The following SERINC5 variants were observed in gnomAD, a reference collection of about 807,000 sequenced individuals.
SERINC5 encodes the protein chromosome 5 open reading frame 12.
SERINC5 carries 41 observed loss-of-function variants against 63.1 expected under a neutral mutation model. That is an observed-to-expected ratio of 0.65 (90% CI 0.51 to 0.84). SERINC5 has a LOEUF of 0.84. Among genes scored for constraint, SERINC5 ranks in the 40% least tolerant of loss-of-function variants. The pLI, the probability that SERINC5 is intolerant of heterozygous loss-of-function variation, is 0.00. For missense variants in SERINC5, 523 were observed against 573.0 expected (o/e 0.91, Z 0.89); for synonymous variants, 222 against 215.2 (o/e 1.03, Z -0.28).
Position 80,202,890 on chromosome 5 carries a change from T to C in SERINC5, c.191A>G (p.Glu64Gly). 6.2e-7 allele frequency: 1 copy of C among 1,608,458 alleles called. No homozygotes were observed. Among genetic ancestry groups the C allele is most frequent in the Non-Finnish European group, 8.5e-7 (1 of 1,175,644 alleles). The change falls in exon 2 of 12, where the codon GAG becomes GGG. Residue 64 changes from glutamate (E) to glycine (G), a missense_variant. By Grantham distance (98) the Glu-to-Gly change is moderately conservative. Coordinates refer to ENST00000507668, the MANE Select transcript of SERINC5 (RefSeq NM_001174072.3). Reference sequence around the variant, plus strand: ...GCTGAACACGGACAAACTTACGTGCTCTTTCATCTTGTGAGCCACGGTTGT... The same window carrying C: ...GCTGAACACGGACAAACTTACGTGCCCTTTCATCTTGTGAGCCACGGTTGT... ...MSTTVAHKMK[E>G]HIPFFEDMCK...
intron 9 of SERINC5, 134 bp from the exon 10 acceptor site, chr5:80,147,418 T>C: frequency 1.1e-6 from 1 of 900,032 alleles, no homozygotes; most frequent in Non-Finnish European, 1.7e-6. Flanking sequence ...CCAGGTGTGC[T>C]GGGTGTTGGT....
chr5:80,178,143 C>G, intron 2 of SERINC5, 79 bp from the exon 3 acceptor site: 1 of 779,496 alleles, frequency 1.3e-6, no homozygotes, highest in Non-Finnish European at 2.0e-6. Context: ...TGCAGCCAAC[C>G]ACAACATCCA....
rs1240781221 is a variant in SERINC5 at position 80,147,237 on chromosome 5, C to A, written c.1093+8G>T. 1.9e-6 allele frequency: 3 copies of A among 1,597,746 alleles called. No homozygotes were observed. The highest frequency in any genetic ancestry group is 2.6e-6 in the Non-Finnish European group (3 of 1,172,550). ...CACAGGTGCAAAGAATAAAAGCGCT[C>A]TGCTTACCCTCTCCACCAGGACTGA... On this transcript the variant is annotated splice_region_variant and intron_variant, in intron 10 of 11. Transcript: ENST00000507668.
intron 11 of SERINC5, among the ~76,000 whole-genome samples, chr5:80,125,546 G>A (rs1744715130): frequency 6.6e-6 from 1 of 152,158 alleles, no homozygotes; most frequent in Non-Finnish European, 1.5e-5. Context: ...GCTAGAAAGG[G>A]GAACAGAGAC....
At chr5:80,193,922 G>A (rs193229482) in intron 2 of SERINC5, among the ~76,000 whole-genome samples, 4 of 152,190 alleles carry the variant, frequency 2.6e-5, no homozygotes, top group African/African-American at 9.7e-5. Context: ...TTGGAGGGGA[G>A]GGAACTCAGA....
chr5:80,117,223 A>T (rs1163669347), intron 11 of SERINC5, among the ~76,000 whole-genome samples: 1 of 152,086 alleles, frequency 6.6e-6, no homozygotes, highest in Non-Finnish European at 1.5e-5. Flanking sequence ...GCAGTAAGAC[A>T]CACTTGAGTT....
chr5:80,124,618 A>C (rs575973013), intron 11 of SERINC5, among the ~76,000 whole-genome samples: 1 of 152,278 alleles, frequency 6.6e-6, no homozygotes, highest in South Asian at 2.1e-4. Flanking sequence ...CTAGAGCCGG[A>C]GTCTGGAAAA....
At chr5:80,216,893 C>G (rs948881780) in intron 1 of SERINC5, among the ~76,000 whole-genome samples, 4 of 152,028 alleles carry the variant, frequency 2.6e-5, no homozygotes, top group Admixed American at 2.6e-4. Flanking sequence ...AGCCTGTAGT[C>G]CCGGCTACTT....
chr5:80,226,836 A>C lies in SERINC5; in HGVS notation c.28-23783T>G, dbSNP rs1209991615. 2.0e-5 allele frequency among the ~76,000 whole-genome samples: 3 copies of C among 152,214 alleles called. No homozygotes were observed. The South Asian group carries it at 6.2e-4, about 32-fold the overall frequency. On this transcript the variant is annotated intron_variant, in intron 1 of 11. Coordinates refer to ENST00000507668, the MANE Select transcript of SERINC5 (RefSeq NM_001174072.3). The stretch of plus-strand genomic sequence containing the variant: ...CATCCTCACAATAATCCCATGAAGT[A>C]AATACTCATATTGCCATTTTTCACA...
In SERINC5 at chr5:80,150,899, C is replaced by T. The variant is rs779137970; in HGVS notation, c.1036G>A (p.Ala346Thr). 1.9e-5 allele frequency: 31 copies of T among 1,612,306 alleles called. No individual in the cohort carries two copies. The highest frequency in any genetic ancestry group is 1.0e-4 in the Admixed American group (6 of 60,024). ...GAACTTACCTCCAATTCAGGAGCTG[C>T]GTATCGCCCCTGCAGAGCGTCAGAA... Reference protein sequence around the residue: ...SSSDALQGRYAAPELEIARCC... With the variant: ...SSSDALQGRYTAPELEIARCC... The change falls in exon 9 of 12, where the codon GCA becomes ACA. Residue 346 changes from alanine to threonine, a missense_variant. Physicochemically the swap from Ala to Thr is moderately conservative, Grantham distance 58 (BLOSUM62 0). Transcript: ENST00000507668.
At chr5:80,232,143 G>T (rs796212247) in intron 1 of SERINC5, among the ~76,000 whole-genome samples, 2 of 148,582 alleles carry the variant, frequency 1.3e-5, no homozygotes, top group Admixed American at 6.8e-5. Flanking sequence ...GGTGGCTCAC[G>T]CCTGTAATCC....
At chr5:80,135,338 C>A (rs1461813908), downstream of SERINC5, among the ~76,000 whole-genome samples, 1 of 152,120 alleles carries the variant, frequency 6.6e-6, no homozygotes, top group Non-Finnish European at 1.5e-5. Flanking sequence ...CAGGCCCAAT[C>A]ACGCTTTTTC....
At chr5:80,174,399 T>TAATAATAAC (rs1561394560) in intron 5 of SERINC5, among the ~76,000 whole-genome samples, 1 of 142,798 alleles carries the variant, frequency 7.0e-6, no homozygotes, top group Non-Finnish European at 1.5e-5. Flanking sequence ...ATAATAATAA[T>TAATAATAAC]AATAAAAGAA....
intron 1 of SERINC5, chr5:80,203,270 A>ATATATATATG (rs557176325): frequency 5.0e-6 from 1 of 200,816 alleles, no homozygotes; most frequent in African/African-American, 2.4e-5. Context: ...ATATATATAT[A>ATATATATATG]TGTGTATATA....
At chr5:80,131,761 CAT>C (rs1418424432) in intron 11 of SERINC5, among the ~76,000 whole-genome samples, 4 of 152,202 alleles carry the variant, frequency 2.6e-5, no homozygotes, top group Admixed American at 6.5e-5. Flanking sequence ...TCACACCTCA[CAT>C]AGTCTTTTGC....
At chr5:80,164,342 G>T (rs1214293480) in intron 7 of SERINC5, among the ~76,000 whole-genome samples, 1 of 150,926 alleles carries the variant, frequency 6.6e-6, no homozygotes, top group African/African-American at 2.4e-5. Flanking sequence ...TTTTTTTGGG[G>T]GGGAGGGGGG....
In SERINC5 at chr5:80,213,436, G is replaced by A. The variant is rs116654824; in HGVS notation, c.28-10383C>T. Among the ~76,000 whole-genome samples, 297 of 152,170 alleles carry A rather than the reference G, an allele frequency of 2.0e-3. 3 individuals carry two copies. Among genetic ancestry groups the A allele is most frequent in the African/African-American group, 6.8e-3 (284 of 41,484 alleles). ...ACAGCAGCTTAAGGTCACAGAGCCC[G>A]CAAGTACTAGACTTAATTTAAATGT... On this transcript the variant is annotated intron_variant, in intron 1 of 11. Coordinates refer to ENST00000507668, the MANE Select transcript of SERINC5 (RefSeq NM_001174072.3).
At chr5:80,250,440 C>T (rs1752357939) in intron 1 of SERINC5, among the ~76,000 whole-genome samples, 1 of 152,198 alleles carries the variant, frequency 6.6e-6, no homozygotes, top group Admixed American at 6.5e-5. Flanking sequence ...CTCCCAGGTT[C>T]AAGCGACTCT....
At chr5:80,137,139 CAAAAAAAAAAAAA>C (rs869035894), downstream of SERINC5, among the ~76,000 whole-genome samples, 2 of 67,742 alleles carry the variant, frequency 3.0e-5, no homozygotes, top group African/African-American at 4.8e-5. Flanking sequence ...GACCCTGTCT[CAAAAAAAAAAAAA>C]AAAAAAAAAA....
Sources: gnomAD v4.1 joint callset for allele counts (sites outside exome capture counted in the v4.1 genomes callset) on GRCh38, gnomAD v4.1.1 for gene constraint, MANE v1.5 for transcripts, NCBI Gene and HGNC (gene_info 2026-07-23, HGNC 2026-07-21) for gene names.